The following TSTD2 variants were observed in gnomAD, a reference collection of about 807,000 sequenced individuals.
TSTD2 encodes the protein thiosulfate sulfurtransferase like domain containing 2.
In TSTD2, 37 loss-of-function variants were observed where a neutral mutation model predicts 47.9. That is an observed-to-expected ratio of 0.77 (90% CI 0.59 to 1.02). The LOEUF (loss-of-function observed/expected upper bound fraction) is 1.02. Ranked by LOEUF, TSTD2 falls within the 50% of genes least tolerant of loss-of-function variation. The probability of loss-of-function intolerance (pLI) is 0.00; values close to 1 mark genes in which losing one functional copy is unlikely to be tolerated. For synonymous variants in TSTD2, 201 were observed against 215.9 expected (o/e 0.93, Z 0.61); for missense variants, 586 against 616.0 (o/e 0.95, Z 0.52).
intron 4 of TSTD2, among the ~76,000 whole-genome samples, chr9:97,615,419 A>C (rs1407180451): frequency 6.6e-6 from 1 of 152,218 alleles, no homozygotes; most frequent in Non-Finnish European, 1.5e-5. Flanking sequence ...TGGGATTCAA[A>C]ACCAGATCTT....
At chr9:97,630,507 AAAT>A (rs1402830264) in intron 1 of TSTD2, among the ~76,000 whole-genome samples, 15,750 of 151,596 alleles carry the variant, frequency 0.1, 2,788 homozygotes, top group African/African-American at 0.36. Context: ...ACAAACAAAC[AAAT>A]CATGAAAATA....
chr9:97,603,635 A>C (rs909521910), intron 9 of TSTD2, among the ~76,000 whole-genome samples: 1 of 152,218 alleles, frequency 6.6e-6, no homozygotes, highest in African/African-American at 2.4e-5. Context: ...ACAGAGAGCT[A>C]TGAGTTCCTA....
chr9:97,627,375 T>G (rs765873588), intron 2 of TSTD2, 23 bp downstream of exon 2: 2 of 1,575,924 alleles, frequency 1.3e-6, no homozygotes, highest in Non-Finnish European at 1.7e-6. Flanking sequence ...TACATGATCA[T>G]GAAACATTCA....
At chr9:97,609,449 A>C (rs1226552015) in intron 6 of TSTD2, among the ~76,000 whole-genome samples, 2 of 152,244 alleles carry the variant, frequency 1.3e-5, no homozygotes, top group African/African-American at 4.8e-5. Context: ...GGGGGAAAAA[A>C]AGATGGAAAC....
intron 9 of TSTD2, among the ~76,000 whole-genome samples, chr9:97,603,462 CT>C (rs1283830576): frequency 6.6e-6 from 1 of 152,220 alleles, no homozygotes; most frequent in Non-Finnish European, 1.5e-5. Flanking sequence ...CAAATCTACT[CT>C]TTCTACTTGT....
intron 4 of TSTD2, among the ~76,000 whole-genome samples, chr9:97,617,276 G>C (rs1215654312): frequency 6.6e-6 from 1 of 152,134 alleles, no homozygotes; most frequent in Non-Finnish European, 1.5e-5. Context: ...ACCCTGAGCT[G>C]GTAAATGACC....
intron 1 of TSTD2, among the ~76,000 whole-genome samples, chr9:97,628,199 C>T (rs1257791127): frequency 6.6e-6 from 1 of 152,184 alleles, no homozygotes; most frequent in Non-Finnish European, 1.5e-5. Flanking sequence ...CCCAAGACAG[C>T]CCCACTGTAA....
Position 97,617,837 on chromosome 9 carries a change from A to G in TSTD2, c.523T>C (p.Cys175Arg), listed in dbSNP as rs771927457. The G allele has an allele frequency of 6.2e-7, 1 of 1,614,122 alleles. No homozygotes were observed. Among genetic ancestry groups the G allele is most frequent in the South Asian group, 1.1e-5 (1 of 91,072 alleles). ...SEEGEVLLYY[C>R]YHDLEDPQWI... is the part of the protein sequence containing the mutation. ...TGGGGATCCTCCAGGTCATGGTAGC[A>G]GTAATAAAGGAGCACCTCCCCTTCT... Residue 175 changes from cysteine (C) to arginine (R), a missense_variant, in exon 4 of 10, where the codon TGC (cysteine) becomes CGC (arginine). Physicochemically the swap from Cys to Arg is radical, Grantham distance 180. Coordinates refer to ENST00000341170, the MANE Select transcript of TSTD2 (RefSeq NM_139246.5).
At chr9:97,625,563 T>G (rs1290778661) in intron 3 of TSTD2, 118 bp downstream of exon 3, 7 of 977,372 alleles carry the variant, frequency 7.2e-6, no homozygotes, top group Non-Finnish European at 6.0e-6. Context: ...CATCCTCATT[T>G]CACATTTGAC....
intron 6 of TSTD2, among the ~76,000 whole-genome samples, chr9:97,609,127 GA>G (rs933719084): frequency 2.2e-4 from 34 of 151,726 alleles, no homozygotes; most frequent in Non-Finnish European, 3.8e-4. Context: ...GACTTAGCAT[GA>G]AAAAAAGTAA....
intron 1 of TSTD2, among the ~76,000 whole-genome samples, chr9:97,630,179 A>G (rs891888517): frequency 1.3e-5 from 2 of 152,130 alleles, no homozygotes; most frequent in African/African-American, 2.4e-5. Flanking sequence ...ATCCTACTCT[A>G]GCCACACTGG....
At chr9:97,631,647 C>T (rs1433986032) in intron 1 of TSTD2, among the ~76,000 whole-genome samples, 2 of 152,134 alleles carry the variant, frequency 1.3e-5, no homozygotes, top group Non-Finnish European at 2.9e-5. Flanking sequence ...AGTTCAAGAC[C>T]AGCCTGGCCA....
At chr9:97,621,078 G>A (rs1826626692) in intron 3 of TSTD2, among the ~76,000 whole-genome samples, 1 of 152,210 alleles carries the variant, frequency 6.6e-6, no homozygotes, top group Non-Finnish European at 1.5e-5. Flanking sequence ...CCTGAACGGA[G>A]GGACTGGCTG....
Position 97,602,299 on chromosome 9 carries a change from A to G in TSTD2, c.*170T>C. The G allele has an allele frequency of 1.4e-6, 1 of 726,378 alleles. No homozygotes were observed. Among genetic ancestry groups the G allele is most frequent in the South Asian group, 2.0e-5 (1 of 49,318 alleles). The allele number at this position is 726,378 out of a possible 1,614,324, so 45.0% of individuals were successfully genotyped here. On this transcript the variant is annotated 3_prime_UTR_variant, in exon 10 of 10. Transcript: ENST00000341170. ...TCAGAATGTCTCAGGTAAGTGGTAG[A>G]CAACGTGACTCCTCCCCTCCCGCTG...
At position 97,606,128 on chromosome 9, in the gene TSTD2, C is replaced by G. The variant is rs1032149892; in HGVS notation, c.954+15G>C. 6.5e-7 allele frequency: 1 copy of G among 1,534,038 alleles called. No individual in the cohort carries two copies. Among genetic ancestry groups the G allele is most frequent in the African/African-American group, 1.4e-5 (1 of 73,178 alleles). The stretch of plus-strand genomic sequence containing the variant: ...ATCTACCAATTCAGAGAACTCAGTT[C>G]TGGCTTTTACTTACTATTTTGCTTT... On this transcript the variant is annotated intron_variant, in intron 7 of 9. Transcript: ENST00000341170.
Position 97,602,776 on chromosome 9 carries a change from G to A in TSTD2, c.1253-9C>T, listed in dbSNP as rs926695745. On this transcript the variant is annotated splice_polypyrimidine_tract_variant and intron_variant, in intron 9 of 9. Coordinates refer to ENST00000341170, the MANE Select transcript of TSTD2 (RefSeq NM_139246.5). Reference sequence around the variant, plus strand: ...TCCACAGTATGAACACTCTGGGGAGGAAGGAAAAGCCATCATTATAAACAC... The same window carrying A: ...TCCACAGTATGAACACTCTGGGGAGAAAGGAAAAGCCATCATTATAAACAC... 6.3e-7 allele frequency: 1 copy of A among 1,593,390 alleles called. No homozygotes were observed. Among genetic ancestry groups the A allele is most frequent in the Non-Finnish European group, 8.6e-7 (1 of 1,167,602 alleles).
chr9:97,602,653 C>CG lies in TSTD2; in HGVS notation c.1366_1367insC (p.Cys456SerfsTer21). 6.2e-7 allele frequency: 1 copy of CG among 1,614,222 alleles called. No homozygotes were observed. Among genetic ancestry groups the CG allele is most frequent in the Non-Finnish European group, 8.5e-7 (1 of 1,180,046 alleles). On this transcript the variant is annotated frameshift_variant, in exon 10 of 10. Coordinates refer to ENST00000341170, the MANE Select transcript of TSTD2 (RefSeq NM_139246.5). LOFTEE classifies it low-confidence loss of function (END_TRUNC). ...GCTCCCCTTGTCTTGACATGTGACA[C>CG]AACAGGCTGTGAATCCTTGTCCTTG...
chr9:97,613,709 T>C (rs1027760636), intron 4 of TSTD2, among the ~76,000 whole-genome samples: 1 of 152,190 alleles, frequency 6.6e-6, no homozygotes, highest in East Asian at 1.9e-4. Context: ...AGGTCCTATA[T>C]TGTTCTAGTC....
intron 1 of TSTD2, among the ~76,000 whole-genome samples, chr9:97,631,805 C>T (rs1316663397): frequency 2.0e-5 from 3 of 152,048 alleles, no homozygotes; most frequent in Non-Finnish European, 4.4e-5. Context: ...GACCGTGCCA[C>T]TGCACTCCAG....
Sources: allele counts gnomAD v4.1 joint callset (sites outside exome capture counted in the v4.1 genomes callset), GRCh38; gene constraint gnomAD v4.1.1; transcripts MANE v1.5; gene names NCBI Gene and HGNC (gene_info 2026-07-23, HGNC 2026-07-21).